YY1: variants seen among roughly 807,000 people sequenced by gnomAD.
The protein encoded by YY1 is YY1 transcription factor, also known as transcriptional repressor protein YY1.
A neutral mutation model predicts 35.6 loss-of-function variants in YY1; 2 were observed. That is an observed-to-expected ratio of 0.06 (90% CI 0.02 to 0.18). YY1 has a LOEUF of 0.18. YY1 is among the 10% of genes least tolerant of loss of function. The probability of loss-of-function intolerance (pLI) is 1.00; values close to 1 mark genes in which losing one functional copy is unlikely to be tolerated. For missense variants in YY1, 322 were observed against 573.4 expected (o/e 0.56, Z 4.48); for synonymous variants, 268 against 238.9 (o/e 1.12, Z -1.12).
chr14:100,253,258 C>G (rs945232727), intron 1 of YY1, among the ~76,000 whole-genome samples: 1 of 152,062 alleles, frequency 6.6e-6, no homozygotes, highest in African/African-American at 2.4e-5. Context: ...TTGATATTAC[C>G]CCATCGCTAG....
At chr14:100,242,003 T>G (rs1890753322) in intron 1 of YY1, among the ~76,000 whole-genome samples, 1 of 151,114 alleles carries the variant, frequency 6.6e-6, no homozygotes, top group African/African-American at 2.4e-5. Flanking sequence ...TTTTTTTTTG[T>G]TAATACCAAT....
chr14:100,254,179 C>T (rs1388046601), intron 1 of YY1, among the ~76,000 whole-genome samples: 1 of 152,054 alleles, frequency 6.6e-6, no homozygotes, highest in Non-Finnish European at 1.5e-5. Flanking sequence ...GTACATATGG[C>T]CTGTAATGTA....
intron 1 of YY1, among the ~76,000 whole-genome samples, chr14:100,240,138 C>T (rs1380532848): frequency 6.9e-6 from 1 of 145,954 alleles, no homozygotes; most frequent in African/African-American, 2.5e-5. Flanking sequence ...GCCGGCGCCG[C>T]CCGGCTAGGC....
At chr14:100,261,117 A>G (rs1203497658) in intron 1 of YY1, among the ~76,000 whole-genome samples, 1 of 151,784 alleles carries the variant, frequency 6.6e-6, no homozygotes, top group Non-Finnish European at 1.5e-5. Context: ...AACCTGTTGG[A>G]TATGAGATGA....
chr14:100,248,459 A>G (rs546890030), intron 1 of YY1, among the ~76,000 whole-genome samples: 28 of 152,070 alleles, frequency 1.8e-4, no homozygotes, highest in African/African-American at 6.7e-4. Flanking sequence ...CCATTTTAAC[A>G]TGACCTGGCA....
intron 2 of YY1, among the ~76,000 whole-genome samples, chr14:100,264,611 T>C (rs182585035): frequency 6.6e-6 from 1 of 152,328 alleles, no homozygotes; most frequent in East Asian, 1.9e-4. Context: ...ATTTCTCATA[T>C]GCAGTGGGCA....
At chr14:100,250,782 G>C (rs1890912894) in intron 1 of YY1, among the ~76,000 whole-genome samples, 1 of 151,438 alleles carries the variant, frequency 6.6e-6, no homozygotes, top group Non-Finnish European at 1.5e-5. Flanking sequence ...GAGGATCTGA[G>C]GCCAGGAGTT....
chr14:100,275,837 G>C (rs1891310055), intron 3 of YY1: 1 of 155,708 alleles, frequency 6.4e-6, no homozygotes, highest in Non-Finnish European at 1.4e-5. Context: ...TTGAGGACAT[G>C]CTTCTCGAGC....
In YY1 at chr14:100,277,336, C is replaced by T; in HGVS notation, c.1063-82C>T. 6.6e-7 allele frequency: 1 copy of T among 1,504,430 alleles called. No individual in the cohort carries two copies. Among genetic ancestry groups the T allele is most frequent in the Non-Finnish European group, 9.2e-7 (1 of 1,081,858 alleles). The allele number at this position is 1,504,430 out of a possible 1,614,324, so 93.2% of individuals were successfully genotyped here. A position where few individuals can be genotyped will look rare whatever the true frequency, so the allele number is the denominator to read the frequency against. Reference sequence around the variant, plus strand: ...TGTTTGGTAAAATAAATAGGCTGTTCTCTAGCAAAGCAGTGAGCTCCTGAC... The same window carrying T: ...TGTTTGGTAAAATAAATAGGCTGTTTTCTAGCAAAGCAGTGAGCTCCTGAC... On this transcript the variant is annotated intron_variant, in intron 4 of 4. Transcript: ENST00000262238. The surrounding 1 kb of genome is among the most constrained non-coding windows in gnomAD (Gnocchi z 5.6).
At chr14:100,240,586 C>G (rs1283989257) in intron 1 of YY1, among the ~76,000 whole-genome samples, 1 of 152,140 alleles carries the variant, frequency 6.6e-6, no homozygotes. Flanking sequence ...GACCCTGCCC[C>G]GGCGGTCACG....
intron 1 of YY1, 52 bp from the exon 2 acceptor site, chr14:100,262,252 A>G (rs1891095355): frequency 3.1e-6 from 5 of 1,603,092 alleles, no homozygotes; most frequent in Admixed American, 3.4e-5. Context: ...CAGTTTTTGT[A>G]GTTTTTAAAA....
At chr14:100,254,143 T>G (rs1890966487) in intron 1 of YY1, among the ~76,000 whole-genome samples, 1 of 152,178 alleles carries the variant, frequency 6.6e-6, no homozygotes, top group African/African-American at 2.4e-5. Flanking sequence ...GCCAAGATAT[T>G]TTTTTGAACA....
intron 2 of YY1, among the ~76,000 whole-genome samples, chr14:100,273,384 C>T (rs1891273100): frequency 6.6e-6 from 1 of 152,172 alleles, no homozygotes; most frequent in South Asian, 2.1e-4. Flanking sequence ...ACCTTCTGGG[C>T]TCAAGTGATC....
chr14:100,256,887 G>A (rs751898175), intron 1 of YY1, among the ~76,000 whole-genome samples: 10 of 150,810 alleles, frequency 6.6e-5, no homozygotes, highest in Non-Finnish European at 1.5e-4. Flanking sequence ...TACGAAAACC[G>A]TGGAAATATA....
intron 1 of YY1, among the ~76,000 whole-genome samples, chr14:100,257,984 T>G (rs538197378): frequency 6.6e-6 from 1 of 151,938 alleles, no homozygotes; most frequent in Non-Finnish European, 1.5e-5. Context: ...AAAATAAAAT[T>G]AGCTGGGCAT....
At position 100,277,892 on chromosome 14, in the gene YY1, A is replaced by C. The variant is rs1332809655; in HGVS notation, c.*292A>C. 1 of 386,918 alleles carries C rather than the reference A, an allele frequency of 2.6e-6. No homozygotes were observed. The allele number at this position is 386,918 out of a possible 1,614,324, so 24.0% of individuals were successfully genotyped here. ...ATTCATGAACTTCGCATCAAAAGAC[A>C]ATTCTTTATACAACAGTGCTAAAAA... is the stretch of plus-strand genomic sequence containing the variant. On this transcript the variant is annotated 3_prime_UTR_variant, in exon 5 of 5. Coordinates refer to ENST00000262238, the MANE Select transcript of YY1 (RefSeq NM_003403.5). The surrounding 1 kb of genome is among the most constrained non-coding windows in gnomAD (Gnocchi z 5.6).
intron 2 of YY1, among the ~76,000 whole-genome samples, chr14:100,263,011 G>A (rs1891105552): frequency 6.6e-6 from 1 of 152,114 alleles, no homozygotes; most frequent in East Asian, 1.9e-4. Context: ...TGGTTCAAGC[G>A]ATTCTCCTGC....
Position 100,262,387 on chromosome 14 carries a change from A to T in YY1, c.763A>T (p.Met255Leu). 1 of 1,614,178 alleles carries T rather than the reference A, an allele frequency of 6.2e-7. No individual in the cohort carries two copies. Among genetic ancestry groups the T allele is most frequent in the Non-Finnish European group, 8.5e-7 (1 of 1,179,996 alleles). The change falls in exon 2 of 5, where the codon ATG (methionine) becomes TTG (leucine). Residue 255 changes from methionine to leucine, a missense_variant. Coordinates refer to ENST00000262238, the MANE Select transcript of YY1 (RefSeq NM_003403.5). ...ENSPPDYSEYMTGKKLPPGGI... is the reference protein window; with the variant it reads ...ENSPPDYSEYLTGKKLPPGGI... Reference sequence around the variant, plus strand: ...CTCACCTCCTGATTATTCAGAATATATGACAGGAAAGAAACTTCCTCCTGG... The same window carrying T: ...CTCACCTCCTGATTATTCAGAATATTTGACAGGAAAGAAACTTCCTCCTGG...
chr14:100,241,973 T>G (rs1687828852), intron 1 of YY1, among the ~76,000 whole-genome samples: 1 of 26,854 alleles, frequency 3.7e-5, no homozygotes, highest in Non-Finnish European at 7.1e-5. Context: ...AGACTCTGTC[T>G]CAAAAGGGGG....
Sources: allele counts gnomAD v4.1 joint callset (sites outside exome capture counted in the v4.1 genomes callset), GRCh38; gene constraint gnomAD v4.1.1; non-coding constraint Gnocchi (gnomAD v3.1); transcripts MANE v1.5; gene names NCBI Gene and HGNC (gene_info 2026-07-23, HGNC 2026-07-21).